SDR42E1: variants seen among roughly 807,000 people sequenced by gnomAD.
SDR42E1 encodes short-chain dehydrogenase/reductase family 42E member 1.
SDR42E1 carries 5 observed loss-of-function variants against 2.6 expected under a neutral mutation model. The observed-to-expected ratio is 1.94, with a 90% CI of 1.01 to 4.08. The LOEUF is 4.08. Ranked by LOEUF, SDR42E1 falls within the 30% of genes most tolerant of loss-of-function variation. SDR42E1 has a pLI of 0.00. For missense variants in SDR42E1, 596 were observed against 478.6 expected, an observed-to-expected ratio of 1.25 and a Z score of -2.29; for synonymous variants, 231 against 188.3, an observed-to-expected ratio of 1.23 and a Z score of -1.86.
chr16:82,007,089 C>T (rs1457642587), intron 1 of SDR42E1, among the ~76,000 whole-genome samples: 1 of 152,188 alleles, frequency 6.6e-6, no homozygotes, highest in East Asian at 1.9e-4. Flanking sequence ...CTGGTATTTC[C>T]CATCTGTTTC....
chr16:82,010,085 T>C (rs896213610), intron 1 of SDR42E1, among the ~76,000 whole-genome samples: 4 of 152,252 alleles, frequency 2.6e-5, no homozygotes, highest in African/African-American at 9.6e-5. Flanking sequence ...ATTATGAGGC[T>C]TCCCCAGCCA....
In SDR42E1 at chr16:81,990,672, G is replaced by C. The variant is rs1912405865; in HGVS notation, c.*8439C>G. On this transcript the variant is annotated 3_prime_UTR_variant, in exon 3 of 3. Coordinates refer to ENST00000328945, the MANE Select transcript of SDR42E1 (RefSeq NM_145168.3). ...TGTTTTATCTCCACTTTACAGATGA[G>C]AGGCATTTGCTCAAAGTCACATTGC... The C allele has an allele frequency of 6.6e-6, 1 of 152,202 alleles. No homozygotes were observed. Among genetic ancestry groups the C allele is most frequent in the South Asian group, 2.1e-4 (1 of 4,826 alleles). The allele number at this position is 152,202 out of a possible 1,614,324, so 9.4% of individuals were successfully genotyped here.
chr16:82,004,576 C>T (rs1912874350), intron 1 of SDR42E1, among the ~76,000 whole-genome samples: 2 of 152,210 alleles, frequency 1.3e-5, no homozygotes, highest in African/African-American at 4.8e-5. Flanking sequence ...CCACGGCTCA[C>T]TGCAACCTTG....
In SDR42E1 at chr16:81,999,886, C is replaced by T. The variant is rs866965730; in HGVS notation, c.407G>A (p.Gly136Glu). 1.2e-6 allele frequency: 2 copies of T among 1,614,054 alleles called. No homozygotes were observed. The highest frequency in any genetic ancestry group is 1.3e-5 in the African/African-American group (1 of 74,914). ...AGGCAGGTAGGGCAGAGATTCATCC[C>T]CATTTCTGATAACTTGACCTCCAAA... is the stretch of plus-strand genomic sequence containing the variant. ...VIFGGQVIRN[G>E]DESLPYLPLH... Residue 136 changes from glycine (G) to glutamate (E), a missense_variant, in exon 3 of 3, where the codon GGG becomes GAG. Transcript: ENST00000328945.
At position 81,999,723 on chromosome 16, in the gene SDR42E1, C is replaced by T; in HGVS notation, c.570G>A (p.Gly190=). ...TGGGAAGGTGTCTTTGTTCTCCAGG[C>T]CCATAGATGCCAGCTGGCCTCAGAG... ...TCALRPAGIY[G]PGEQRHLPRI... The change falls in exon 3 of 3, where the codon GGG becomes GGA. Residue 190 remains glycine, a synonymous_variant. Coordinates refer to ENST00000328945, the MANE Select transcript of SDR42E1 (RefSeq NM_145168.3). The T allele has an allele frequency of 2.5e-6, 4 of 1,614,200 alleles. No homozygotes were observed. The highest frequency in any genetic ancestry group is 1.7e-5 in the Admixed American group (1 of 60,032).
At chr16:82,001,698 C>G (rs1466579802) in intron 1 of SDR42E1, among the ~76,000 whole-genome samples, 2 of 151,922 alleles carry the variant, frequency 1.3e-5, no homozygotes, top group Non-Finnish European at 2.9e-5. Context: ...GTCAGGAGAT[C>G]GAGACCATCC....
chr16:82,009,388 G>C (rs1002348915), intron 1 of SDR42E1, among the ~76,000 whole-genome samples: 8 of 152,206 alleles, frequency 5.3e-5, no homozygotes, highest in African/African-American at 1.9e-4. Context: ...CCAAAAGTGG[G>C]GCTGTACCCT....
Position 81,999,526 on chromosome 16 carries a change from T to C in SDR42E1, c.767A>G (p.Asp256Gly). ...CTCAAAGTTGTTCACGGGTCTGCCA[T>C]CTGAGATGAAGTAGGGCTGCCCAGA... ...IASGQPYFIS[D>G]GRPVNNFEFF... Residue 256 changes from aspartate (D) to glycine (G), a missense_variant, in exon 3 of 3, where the codon GAT becomes GGT. Transcript: ENST00000328945. 1 of 1,614,170 alleles carries C rather than the reference T, an allele frequency of 6.2e-7. No individual in the cohort carries two copies. The highest frequency in any genetic ancestry group is 8.5e-7 in the Non-Finnish European group (1 of 1,180,018).
At chr16:82,011,157 C>T (rs1351123236) in intron 1 of SDR42E1, among the ~76,000 whole-genome samples, 1 of 152,180 alleles carries the variant, frequency 6.6e-6, no homozygotes, top group Non-Finnish European at 1.5e-5. Flanking sequence ...ACAAAAAATG[C>T]GGAGGGCCAG....
intron 1 of SDR42E1, among the ~76,000 whole-genome samples, chr16:82,006,783 G>A (rs1912952099): frequency 6.6e-6 from 1 of 152,038 alleles, no homozygotes; most frequent in Non-Finnish European, 1.5e-5. Flanking sequence ...GACAGAGGGA[G>A]ATTCCATCTC....
intron 2 of SDR42E1, 41 bp downstream of exon 2, chr16:82,000,750 A>G: frequency 7.0e-7 from 1 of 1,424,018 alleles, no homozygotes; most frequent in Non-Finnish European, 9.9e-7. Flanking sequence ...GGCAACTACC[A>G]GTAAAATAAT....
rs1438538751 is a variant in SDR42E1, at chr16:81,997,142, T to C, written c.*1969A>G. 6.6e-6 allele frequency: 1 copy of C among 152,052 alleles called. No individual in the cohort carries two copies. The highest frequency in any genetic ancestry group is 1.5e-5 in the Non-Finnish European group (1 of 68,032). 9.4% of individuals were successfully genotyped at this position (152,052 alleles called of 1,614,324 possible). ...GACTCAGGTGACGCATTCAAAATAA[T>C]GTTCCCAGTACCACTGCCAGCTTGA... On this transcript the variant is annotated 3_prime_UTR_variant, in exon 3 of 3. Coordinates refer to ENST00000328945, the MANE Select transcript of SDR42E1 (RefSeq NM_145168.3).
Position 81,991,100 on chromosome 16 carries a change from A to G in SDR42E1, c.*8011T>C, listed in dbSNP as rs1025106472. 2.6e-5 allele frequency: 4 copies of G among 152,168 alleles called. No homozygotes were observed. The highest frequency in any genetic ancestry group is 9.7e-5 in the African/African-American group (4 of 41,446). 9.4% of individuals were successfully genotyped at this position (152,168 alleles called of 1,614,324 possible). The stretch of plus-strand genomic sequence containing the variant: ...CATGTGCAATGTGACCAATATCAGT[A>G]TTTGATTAGGTACACAAACAAGTCT... On this transcript the variant is annotated 3_prime_UTR_variant, in exon 3 of 3. Transcript: ENST00000328945.
chr16:81,991,975 G>A lies in SDR42E1; in HGVS notation c.*7136C>T, dbSNP rs1160029149. On this transcript the variant is annotated 3_prime_UTR_variant, in exon 3 of 3. Coordinates refer to ENST00000328945, the MANE Select transcript of SDR42E1 (RefSeq NM_145168.3). ...TTGAGACCAGCCTGGCCAACATGGC[G>A]AAACCCCAAATCACCGCTAATTAAA... 2 of 152,054 alleles carry A rather than the reference G, an allele frequency of 1.3e-5. No individual in the cohort carries two copies. The highest frequency in any genetic ancestry group is 6.6e-5 in the Admixed American group (1 of 15,264). The allele number at this position is 152,054 out of a possible 1,614,324, so 9.4% of individuals were successfully genotyped here.
Position 81,994,233 on chromosome 16 carries a change from C to A in SDR42E1, c.*4878G>T, listed in dbSNP as rs1430537773. ...GTAGTCACCAGGACCTCCTCCCTCT[C>A]CATTTTTTGGCTCTTCTTAACACAT... is the stretch of plus-strand genomic sequence containing the variant. On this transcript the variant is annotated 3_prime_UTR_variant, in exon 3 of 3. Coordinates refer to ENST00000328945, the MANE Select transcript of SDR42E1 (RefSeq NM_145168.3). 6.6e-6 allele frequency: 1 copy of A among 152,244 alleles called. No individual in the cohort carries two copies. Among genetic ancestry groups the A allele is most frequent in the Non-Finnish European group, 1.5e-5 (1 of 68,074 alleles). 9.4% of individuals were successfully genotyped at this position (152,244 alleles called of 1,614,324 possible). A position where few individuals can be genotyped will look rare whatever the true frequency, so the allele number is the denominator to read the frequency against.
At chr16:82,000,502 G>A in intron 2 of SDR42E1, 1 of 596,342 alleles carries the variant, frequency 1.7e-6, no homozygotes, top group Non-Finnish European at 3.0e-6. Context: ...TCTATTCTTT[G>A]GAATATTTGT....
intron 1 of SDR42E1, among the ~76,000 whole-genome samples, chr16:82,009,992 G>A (rs1050388629): frequency 1.3e-5 from 2 of 152,150 alleles, no homozygotes; most frequent in Non-Finnish European, 2.9e-5. Context: ...TTTATAAAGG[G>A]GAGTTCCCCT....
In SDR42E1 at chr16:81,999,238, G is replaced by A; in HGVS notation, c.1055C>T (p.Ala352Val). ...DLQEAVEWFK[A>V]HGHGRSSGSR... Reference sequence around the variant, plus strand: ...TCCAGAACTTCTGCCATGACCATGGGCTTTAAACCATTCCACTGCTTCCTG... The same window carrying A: ...TCCAGAACTTCTGCCATGACCATGGACTTTAAACCATTCCACTGCTTCCTG... Residue 352 changes from alanine to valine, a missense_variant, in exon 3 of 3, where the codon GCC becomes GTC. Physicochemically the swap from Ala to Val is moderately conservative, Grantham distance 64 (BLOSUM62 0). Transcript: ENST00000328945. The A allele has an allele frequency of 6.2e-7, 1 of 1,614,200 alleles. No individual in the cohort carries two copies. Among genetic ancestry groups the A allele is most frequent in the African/African-American group, 1.3e-5 (1 of 75,052 alleles).
rs1416566122 is a variant in SDR42E1, at chr16:81,997,266, G to A, written c.*1845C>T. ...GAAAAAGCTTTGTAGCTGGAAATGT[G>A]GGCAACGTTTCATGGAAAAGGAAGG... On this transcript the variant is annotated 3_prime_UTR_variant, in exon 3 of 3. Transcript: ENST00000328945. 6.6e-6 allele frequency: 1 copy of A among 152,200 alleles called. No homozygotes were observed. Among genetic ancestry groups the A allele is most frequent in the Non-Finnish European group, 1.5e-5 (1 of 68,056 alleles). 9.4% of individuals were successfully genotyped at this position (152,200 alleles called of 1,614,324 possible).
Sources: allele counts gnomAD v4.1 joint callset (sites outside exome capture counted in the v4.1 genomes callset), GRCh38; gene constraint gnomAD v4.1.1; transcripts MANE v1.5; gene names NCBI Gene and HGNC (gene_info 2026-07-23, HGNC 2026-07-21).